GLO1: variants seen among roughly 807,000 people sequenced by gnomAD.
The protein encoded by GLO1 is glyoxalase I.
A neutral mutation model predicts 26.0 loss-of-function variants in GLO1; 28 were observed. That is an observed-to-expected ratio of 1.08 (90% CI 0.80 to 1.48). The LOEUF (loss-of-function observed/expected upper bound fraction) is 1.48. Ranked by LOEUF, GLO1 falls within the 40% of genes most tolerant of loss-of-function variation. The pLI is 0.00. For synonymous variants in GLO1, 78 were observed against 77.6 expected (o/e 1.00, Z -0.03); for missense variants, 225 against 224.8 (o/e 1.00, Z -0.01).
intron 2 of GLO1, among the ~76,000 whole-genome samples, chr6:38,684,912 A>T (rs998594209): frequency 1.6e-4 from 24 of 152,246 alleles, no homozygotes; most frequent in African/African-American, 5.5e-4. Flanking sequence ...TCAGTTAAAT[A>T]AACACATTTA....
At chr6:38,685,230 T>TA (rs1341296725) in intron 2 of GLO1, among the ~76,000 whole-genome samples, 1 of 151,352 alleles carries the variant, frequency 6.6e-6, no homozygotes, top group Non-Finnish European at 1.5e-5. Flanking sequence ...AATGGGGAGG[T>TA]AGGCGAAGGA....
At chr6:38,683,018 A>C (rs1761405363) in intron 3 of GLO1, 143 bp from the exon 4 acceptor site, 1 of 587,510 alleles carries the variant, frequency 1.7e-6, no homozygotes, top group Non-Finnish European at 3.1e-6. Flanking sequence ...TTAAGTTTTC[A>C]ACTATAGAAA....
intron 5 of GLO1, among the ~76,000 whole-genome samples, chr6:38,678,989 C>T (rs750590904): frequency 6.6e-5 from 10 of 150,758 alleles, no homozygotes; most frequent in Non-Finnish European, 1.2e-4. Flanking sequence ...GTTAGAATAG[C>T]GAACAGTTGC....
intron 1 of GLO1, among the ~76,000 whole-genome samples, chr6:38,690,387 G>T (rs771257739): frequency 6.6e-6 from 1 of 152,148 alleles, no homozygotes; most frequent in East Asian, 1.9e-4. Flanking sequence ...CAAAGGAATA[G>T]TTAGATAGTA....
chr6:38,702,950 T>A, intron 1 of GLO1, 21 bp downstream of exon 1: 1 of 1,396,034 alleles, frequency 7.2e-7, no homozygotes, highest in Non-Finnish European at 1.0e-6. Context: ...GGGGAGCCGT[T>A]CCCTTCGGTC....
intron 2 of GLO1, among the ~76,000 whole-genome samples, chr6:38,686,265 G>C (rs1263767828): frequency 6.6e-6 from 1 of 152,000 alleles, no homozygotes; most frequent in East Asian, 1.9e-4. Flanking sequence ...AGTTATCTAG[G>C]CACTAAATTT....
At chr6:38,684,165 C>G (rs1761429202) in intron 3 of GLO1, among the ~76,000 whole-genome samples, 1 of 152,014 alleles carries the variant, frequency 6.6e-6, no homozygotes, top group Admixed American at 6.6e-5. Context: ...CTTCAGAGAG[C>G]CTGTCTCTAA....
chr6:38,677,463 G>C (rs572905561), intron 5 of GLO1, 80 bp from the exon 6 acceptor site: 2 of 726,342 alleles, frequency 2.8e-6, no homozygotes, highest in African/African-American at 3.5e-5. Flanking sequence ...TTGAGACAAG[G>C]TCTTGCTCTG....
intron 5 of GLO1, among the ~76,000 whole-genome samples, chr6:38,678,747 AGGGC>A (rs1273145602): frequency 2.0e-5 from 3 of 152,252 alleles, no homozygotes; most frequent in Non-Finnish European, 2.9e-5. Context: ...CTCCACGCCC[AGGGC>A]TAGGGAATAA....
rs1446222418 is a variant in GLO1, at chr6:38,677,266, T to G, written c.*29A>C. The G allele has an allele frequency of 9.9e-7, 1 of 1,008,078 alleles. No homozygotes were observed. The highest frequency in any genetic ancestry group is 1.6e-5 in the African/African-American group (1 of 63,416). The allele number at this position is 1,008,078 out of a possible 1,614,324, so 62.4% of individuals were successfully genotyped here. On this transcript the variant is annotated 3_prime_UTR_variant, in exon 6 of 6. Coordinates refer to ENST00000373365, the MANE Select transcript of GLO1 (RefSeq NM_006708.3). The stretch of plus-strand genomic sequence containing the variant: ...TTGAATCACATTGTTTCCTTTCTTC[T>G]GAAATCTCAAAGGAGAATTCTCACA...
intron 3 of GLO1, among the ~76,000 whole-genome samples, chr6:38,683,654 G>A (rs1256256681): frequency 2.0e-5 from 3 of 152,154 alleles, no homozygotes; most frequent in Non-Finnish European, 4.4e-5. Flanking sequence ...TTGGGCGGCC[G>A]AGGCAGACAG....
Position 38,683,627 on chromosome 6 carries a change from C to G in GLO1, c.308+747G>C, listed in dbSNP as rs553126258. Reference sequence around the variant, plus strand: ...TGGAGGCCGGGCGTGGTGGGTCACGCCTGTAATCCCAGCACTTTGGGCGGC... The same window carrying G: ...TGGAGGCCGGGCGTGGTGGGTCACGGCTGTAATCCCAGCACTTTGGGCGGC... On this transcript the variant is annotated intron_variant, in intron 3 of 5. Transcript: ENST00000373365. Among the ~76,000 whole-genome samples, 3 of 152,166 alleles carry G rather than the reference C, an allele frequency of 2.0e-5. 1 individual carries two copies. In the South Asian group the frequency reaches 6.2e-4, roughly 32 times the overall value.
chr6:38,698,370 C>G, intron 1 of GLO1, among the ~76,000 whole-genome samples: 1 of 150,730 alleles, frequency 6.6e-6, no homozygotes, highest in Non-Finnish European at 1.5e-5. Flanking sequence ...TCCCTATTCT[C>G]CTTTCTACTG....
chr6:38,697,337 A>G (rs1761627457), intron 1 of GLO1, among the ~76,000 whole-genome samples: 1 of 152,266 alleles, frequency 6.6e-6, no homozygotes, highest in African/African-American at 2.4e-5. Flanking sequence ...GCCAACAAAG[A>G]AGTATCAGGT....
At chr6:38,690,282 A>AT (rs2127547502) in intron 1 of GLO1, among the ~76,000 whole-genome samples, 1 of 152,280 alleles carries the variant, frequency 6.6e-6, no homozygotes, top group East Asian at 1.9e-4. Context: ...TATCATCCCC[A>AT]TTTTACTGCT....
At chr6:38,694,534 C>T (rs1025126947) in intron 1 of GLO1, among the ~76,000 whole-genome samples, 2 of 152,032 alleles carry the variant, frequency 1.3e-5, no homozygotes, top group African/African-American at 4.8e-5. Context: ...GAAAAATTAG[C>T]TGGGTGTGGT....
intron 1 of GLO1, among the ~76,000 whole-genome samples, chr6:38,688,915 G>GGAGA (rs150988604): frequency 6.6e-6 from 1 of 152,080 alleles, no homozygotes; most frequent in Non-Finnish European, 1.5e-5. Context: ...CTTAAAAGCA[G>GGAGA]GAGAGAGAGA....
chr6:38,698,985 A>G (rs1761652545), intron 1 of GLO1, among the ~76,000 whole-genome samples: 1 of 152,206 alleles, frequency 6.6e-6, no homozygotes, highest in Non-Finnish European at 1.5e-5. Flanking sequence ...CTATGTATAT[A>G]AAATCTAACT....
chr6:38,700,014 C>T (rs1193524521), intron 1 of GLO1, among the ~76,000 whole-genome samples: 1 of 152,138 alleles, frequency 6.6e-6, no homozygotes, highest in African/African-American at 2.4e-5. Flanking sequence ...TGTTCTTACA[C>T]CCCCTCCCCT....
Sources: allele counts gnomAD v4.1 joint callset (sites outside exome capture counted in the v4.1 genomes callset), GRCh38; gene constraint gnomAD v4.1.1; transcripts MANE v1.5; gene names NCBI Gene and HGNC (gene_info 2026-07-23, HGNC 2026-07-21).